Variants in PCID2 observed in about 807,000 individuals in gnomAD.
The protein encoded by PCID2 is PCI domain containing 2, also known as PCI domain-containing protein 2.
A neutral mutation model predicts 61.3 loss-of-function variants in PCID2; 41 were observed. The ratio of observed to expected loss-of-function variants is 0.67; its 90% CI spans 0.52 to 0.87. The LOEUF is 0.87. Among genes scored for constraint, PCID2 ranks in the 40% least tolerant of loss-of-function variants. The probability of loss-of-function intolerance (pLI) is 0.00; values close to 1 mark genes in which losing one functional copy is unlikely to be tolerated. For synonymous variants in PCID2, 187 were observed against 177.8 expected (o/e 1.05, Z -0.41); for missense variants, 392 against 493.4 (o/e 0.79, Z 1.95).
chr13:113,186,956 T>C (rs543758352), intron 7 of PCID2: 2 of 152,324 alleles, frequency 1.3e-5, no homozygotes, highest in African/African-American at 4.8e-5. Flanking sequence ...TGTGTCCATA[T>C]AGAAACACTT....
chr13:113,170,063 C>A, the PCID2 span, among the ~76,000 whole-genome samples: 1 of 152,190 alleles, frequency 6.6e-6, no homozygotes, highest in Non-Finnish European at 1.5e-5. Context: ...GTAGCTGAGA[C>A]CGTTGTTTCT....
intron 11 of PCID2, 56 bp from the exon 12 acceptor site, chr13:113,180,098 G>A (rs370434973): frequency 5.2e-5 from 84 of 1,613,502 alleles, no homozygotes; most frequent in South Asian, 7.7e-5. Flanking sequence ...GAGCGTGCAC[G>A]TCAACTCTCA....
At chr13:113,170,402 G>T in the PCID2 span, 1 of 1,499,464 alleles carries the variant, frequency 6.7e-7, no homozygotes, top group South Asian at 1.1e-5. Flanking sequence ...TGTCTGTTTT[G>T]ATTTTTAAAG....
chr13:113,169,758 A>C, the PCID2 span, among the ~76,000 whole-genome samples: 1 of 152,216 alleles, frequency 6.6e-6, no homozygotes, highest in Non-Finnish European at 1.5e-5. Context: ...AGCTTGTGTG[A>C]GTGTCTAGCA....
At chr13:113,184,535 A>C in intron 8 of PCID2, 48 bp from the exon 9 acceptor site, 1 of 1,157,300 alleles carries the variant, frequency 8.6e-7, no homozygotes, top group African/African-American at 1.5e-5. Context: ...CAACAAAAAC[A>C]GGTGGCAAAA....
downstream of PCID2, among the ~76,000 whole-genome samples, chr13:113,176,531 G>T (rs2037190191): frequency 6.6e-6 from 1 of 152,284 alleles, no homozygotes; most frequent in Non-Finnish European, 1.5e-5. Context: ...GGAGGCCGAG[G>T]TGGGGGAATT....
At chr13:113,195,620 C>G (rs1449849652) in intron 5 of PCID2, among the ~76,000 whole-genome samples, 2 of 151,756 alleles carry the variant, frequency 1.3e-5, no homozygotes, top group African/African-American at 4.8e-5. Flanking sequence ...TGAGCCAAGA[C>G]TGCGCCACTG....
intron 1 of PCID2, among the ~76,000 whole-genome samples, chr13:113,204,296 G>C (rs1382834073): frequency 6.6e-6 from 1 of 152,246 alleles, no homozygotes; most frequent in South Asian, 2.1e-4. Context: ...GCTCTCTGCA[G>C]AAGGAACCTA....
At position 113,190,483 on chromosome 13, in the gene PCID2, GTAAAGAGAGAACA is replaced by G. The variant is rs2038518600; in HGVS notation, c.467+376_467+388del. 1.3e-5 allele frequency among the ~76,000 whole-genome samples: 2 copies of G among 152,094 alleles called. 1 individual carries two copies. The highest frequency in any genetic ancestry group is 4.1e-4 in the South Asian group (2 of 4,822). ...GGTGATCAGTGCTGCTTCTTCACTG[GTAAAGAGAGAACA>G]TTTCTTAAAAAAAATAACGAGAGTT... On this transcript the variant is annotated intron_variant, in intron 7 of 13. Coordinates refer to ENST00000337344, the MANE Select transcript of PCID2 (RefSeq NM_001127202.4).
Position 113,180,197 on chromosome 13 carries a change from T to C in PCID2, c.821A>G (p.Tyr274Cys), listed in dbSNP as rs193206568. 4 of 1,614,030 alleles carry C rather than the reference T, an allele frequency of 2.5e-6. No homozygotes were observed. The African/African-American group carries it at 4.0e-5, about 16-fold the overall frequency. Residue 274 changes from tyrosine (Y) to cysteine (C), a missense_variant, in exon 11 of 14, where the codon TAT becomes TGT. By Grantham distance (194) the Tyr-to-Cys change is radical (BLOSUM62 -2). Coordinates refer to ENST00000337344, the MANE Select transcript of PCID2 (RefSeq NM_001127202.4). ...TACTTCCGCAAACTGCATCAGGTGA[T>C]ACTTTTTCAGGAGCTCCACAGTGGG... ...HMPTVELLKK[Y>C]HLMQFAEVTR...
chr13:113,185,518 A>G lies in PCID2; in HGVS notation c.510T>C (p.Phe170=). ...IEDSKKWGML[F]LVNQLFKIYF... is the part of the protein sequence containing the mutation. ...AGATTTTAAACAGCTGGTTCACCAG[A>G]AACAGCATGCCCCACTTCTTAGAGT... is the stretch of plus-strand genomic sequence containing the variant. Residue 170 remains phenylalanine, a synonymous_variant, in exon 8 of 14, where the codon TTT becomes TTC. Transcript: ENST00000337344. 1 of 1,613,418 alleles carries G rather than the reference A, an allele frequency of 6.2e-7. No homozygotes were observed. The highest frequency in any genetic ancestry group is 8.5e-7 in the Non-Finnish European group (1 of 1,179,294).
intron 1 of PCID2, among the ~76,000 whole-genome samples, chr13:113,202,160 TA>T (rs1462533182): frequency 1.3e-5 from 2 of 152,202 alleles, no homozygotes; most frequent in Admixed American, 1.3e-4. Flanking sequence ...AGCAAACGCC[TA>T]CTCTCTGACC....
At chr13:113,171,641 G>A in the PCID2 span, 35 of 1,614,036 alleles carry the variant, frequency 2.2e-5, 1 homozygote, top group African/African-American at 3.7e-4. The surrounding 1 kb of genome is among the most constrained non-coding windows in gnomAD (Gnocchi z 5.1). Flanking sequence ...GATAACGCAC[G>A]TCCATGTGCA....
chr13:113,184,519 T>A, intron 8 of PCID2, 32 bp from the exon 9 acceptor site: 1 of 1,383,398 alleles, frequency 7.2e-7, no homozygotes, highest in Non-Finnish European at 1.0e-6. Flanking sequence ...TTAAAATATT[T>A]AAAAACAACA....
At chr13:113,178,333 G>T in intron 13 of PCID2, 46 bp from the exon 14 acceptor site, 1 of 1,429,566 alleles carries the variant, frequency 7.0e-7, no homozygotes, top group Non-Finnish European at 9.9e-7. Context: ...TTGGATCTGA[G>T]TCATGTCAAA....
chr13:113,179,355 T>A lies in PCID2; in HGVS notation c.987-266A>T, dbSNP rs924624291. On this transcript the variant is annotated intron_variant, in intron 12 of 13. Transcript: ENST00000337344. This position sits in a 1 kb window ranked among gnomAD's most constrained non-coding sequence, Gnocchi z 4.3. The stretch of plus-strand genomic sequence containing the variant: ...TTTTTTTTTCACATTTTAATCTCCC[T>A]GAAATCAGGAAGCACCTGACAATGG... Among the ~76,000 whole-genome samples, 1 of 152,088 alleles carries A rather than the reference T, an allele frequency of 6.6e-6. No individual in the cohort carries two copies. The highest frequency in any genetic ancestry group is 2.4e-5 in the African/African-American group (1 of 41,406).
chr13:113,196,116 T>C, intron 5 of PCID2, 65 bp downstream of exon 5: 1 of 1,207,224 alleles, frequency 8.3e-7, no homozygotes, highest in Middle Eastern at 1.9e-4. Context: ...TTAAAGCAAA[T>C]TTGTAAAAAG....
intron 1 of PCID2, among the ~76,000 whole-genome samples, chr13:113,206,379 A>T (rs1449803692): frequency 6.6e-6 from 1 of 152,184 alleles, no homozygotes; most frequent in East Asian, 1.9e-4. Context: ...GAAACCATCA[A>T]CCAGTACCTG....
At chr13:113,193,277 T>C (rs538085082) in intron 6 of PCID2, among the ~76,000 whole-genome samples, 1 of 146,868 alleles carries the variant, frequency 6.8e-6, no homozygotes, top group East Asian at 2.0e-4. Context: ...CTAACCTTTT[T>C]AAAAAAAAAA....
Sources: gnomAD v4.1 joint callset for allele counts (sites outside exome capture counted in the v4.1 genomes callset) on GRCh38, gnomAD v4.1.1 for gene constraint, Gnocchi (gnomAD v3.1) non-coding constraint, MANE v1.5 for transcripts, NCBI Gene and HGNC (gene_info 2026-07-23, HGNC 2026-07-21) for gene names.